The following SLIT3 variants were observed in gnomAD, a reference collection of about 807,000 sequenced individuals.
The protein encoded by SLIT3 is slit homolog 3 protein.
A neutral mutation model predicts 184.0 loss-of-function variants in SLIT3; 68 were observed. The ratio of observed to expected loss-of-function variants is 0.37; its 90% CI spans 0.30 to 0.45. The LOEUF (loss-of-function observed/expected upper bound fraction) is 0.45, where lower values mean the gene tolerates loss of function less well. Ranked by LOEUF, SLIT3 falls within the 20% of genes least tolerant of loss-of-function variation. SLIT3 has a pLI of 1.00. For missense variants in SLIT3, 1,707 were observed against 2,026.0 expected, an observed-to-expected ratio of 0.84 and a Z score of 3.02; for synonymous variants, 831 against 828.6, an observed-to-expected ratio of 1.00 and a Z score of -0.05.
intron 16 of SLIT3, among the ~76,000 whole-genome samples, chr5:168,758,174 T>G (rs1728370987): frequency 6.6e-6 from 1 of 152,122 alleles, no homozygotes; most frequent in African/African-American, 2.4e-5. Flanking sequence ...ACCACTCCCT[T>G]TTGTTGCTTG....
At chr5:169,170,520 G>C (rs960161039) in intron 4 of SLIT3, among the ~76,000 whole-genome samples, 1 of 152,054 alleles carries the variant, frequency 6.6e-6, no homozygotes, top group Non-Finnish European at 1.5e-5. Context: ...TGTCCCCCAA[G>C]CTTAAAAGAC....
At chr5:168,998,957 A>C (rs565311494) in intron 4 of SLIT3, among the ~76,000 whole-genome samples, 1 of 151,708 alleles carries the variant, frequency 6.6e-6, no homozygotes, top group Non-Finnish European at 1.5e-5. Flanking sequence ...TCTTTTGCCC[A>C]GGCTGGAGTG....
chr5:169,031,909 ATTT>A (rs946804472), intron 4 of SLIT3, among the ~76,000 whole-genome samples: 2 of 152,158 alleles, frequency 1.3e-5, no homozygotes, highest in Admixed American at 1.3e-4. Context: ...CCCTTGAGGG[ATTT>A]TTTAATTGAA....
intron 4 of SLIT3, among the ~76,000 whole-genome samples, chr5:168,994,777 G>A (rs1755455289): frequency 6.6e-6 from 1 of 151,020 alleles, no homozygotes; most frequent in Non-Finnish European, 1.5e-5. Flanking sequence ...TCCTATCTGG[G>A]ATTACATGCA....
At chr5:169,217,896 T>C (rs1302694824) in intron 3 of SLIT3, among the ~76,000 whole-genome samples, 4 of 152,198 alleles carry the variant, frequency 2.6e-5, no homozygotes, top group Admixed American at 1.3e-4. Context: ...GCAGCTGCTG[T>C]TTCCCGGCTG....
chr5:168,666,682 C>G lies in SLIT3; in HGVS notation c.4344G>C (p.Pro1448=), dbSNP rs768060950. The part of the protein sequence containing the change: ...FSGEHCQQEN[P]CLGQVVREVI... ...CCTCTCGGACTACTTGTCCCAGGCA[C>G]GGATTCTCTGCAGAGGGCATAGAAG... The change falls in exon 36 of 36, where the codon CCG becomes CCC. Residue 1448 remains proline, a synonymous_variant. Transcript: ENST00000519560. 6.2e-7 allele frequency: 1 copy of G among 1,614,140 alleles called. No individual in the cohort carries two copies. The highest frequency in any genetic ancestry group is 8.5e-7 in the Non-Finnish European group (1 of 1,180,042).
intron 6 of SLIT3, among the ~76,000 whole-genome samples, chr5:168,844,218 AACAC>A (rs1468760986): frequency 6.6e-6 from 1 of 152,066 alleles, no homozygotes; most frequent in Non-Finnish European, 1.5e-5. Context: ...CCCGCACTCA[AACAC>A]ACTGTCCCTG....
At chr5:169,008,951 T>C (rs546970927) in intron 4 of SLIT3, among the ~76,000 whole-genome samples, 1 of 152,318 alleles carries the variant, frequency 6.6e-6, no homozygotes, top group African/African-American at 2.4e-5. Flanking sequence ...ATTATTTGCA[T>C]TGAACTGATG....
At chr5:168,982,402 GAAC>G (rs1158591951) in intron 4 of SLIT3, among the ~76,000 whole-genome samples, 3 of 152,136 alleles carry the variant, frequency 2.0e-5, no homozygotes, top group East Asian at 1.9e-4. Context: ...AGAGAGTCTT[GAAC>G]AACAAGAAGG....
intron 15 of SLIT3, 78 bp downstream of exon 15, chr5:168,762,461 A>C: frequency 6.6e-7 from 1 of 1,505,850 alleles, no homozygotes; most frequent in Non-Finnish European, 9.2e-7. Flanking sequence ...GGTCACCGCC[A>C]GGAGACCCTG....
intron 32 of SLIT3, among the ~76,000 whole-genome samples, chr5:168,675,858 G>A (rs1469487478): frequency 1.3e-5 from 2 of 152,136 alleles, no homozygotes; most frequent in Non-Finnish European, 2.9e-5. Flanking sequence ...CAGAGGACAT[G>A]CAGGAGCCCA....
intron 1 of SLIT3, among the ~76,000 whole-genome samples, chr5:169,270,294 A>G (rs978812): frequency 0.043 from 6,514 of 152,272 alleles, 469 homozygotes; most frequent in African/African-American, 0.15. Flanking sequence ...AAATAAATAC[A>G]TCACGCTCCA....
At chr5:169,152,115 C>G (rs1762134989) in intron 4 of SLIT3, among the ~76,000 whole-genome samples, 1 of 152,138 alleles carries the variant, frequency 6.6e-6, no homozygotes, top group Admixed American at 6.5e-5. Flanking sequence ...CAACACTGGA[C>G]CCAGAGAGGT....
chr5:169,225,658 G>A (rs1764781298), intron 3 of SLIT3, among the ~76,000 whole-genome samples: 1 of 152,248 alleles, frequency 6.6e-6, no homozygotes, highest in African/African-American at 2.4e-5. Flanking sequence ...CTTCCCGGAG[G>A]AAGTGACTGT....
At chr5:168,914,886 G>T (rs190970777) in intron 4 of SLIT3, among the ~76,000 whole-genome samples, 24 of 151,734 alleles carry the variant, frequency 1.6e-4, no homozygotes, top group Admixed American at 9.8e-4. Context: ...GACATTGGGG[G>T]GTAAAAATGT....
At chr5:168,951,311 T>C (rs972029388) in intron 4 of SLIT3, among the ~76,000 whole-genome samples, 1 of 152,128 alleles carries the variant, frequency 6.6e-6, no homozygotes, top group Non-Finnish European at 1.5e-5. Flanking sequence ...ATCTAAGCCA[T>C]GGGGGGCAGG....
At position 168,813,567 on chromosome 5, in the gene SLIT3, T is replaced by TC. The variant is rs1407442587; in HGVS notation, c.793+3732_793+3733insG. Among the ~76,000 whole-genome samples the TC allele has an allele frequency of 3.9e-5, 6 of 152,334 alleles. No homozygotes were observed. In the East Asian group the frequency reaches 7.7e-4, roughly 20 times the overall value. On this transcript the variant is annotated intron_variant, in intron 8 of 35. Transcript: ENST00000519560. The stretch of plus-strand genomic sequence containing the variant: ...AAGTTAATAAAAAGATAAAGCTCTA[T>TC]TTCCCCACCCTTGTGAAAAATTCCC...
chr5:169,017,241 G>A (rs13355106), intron 4 of SLIT3, among the ~76,000 whole-genome samples: 16,717 of 152,096 alleles, frequency 0.11, 2,441 homozygotes, highest in African/African-American at 0.33. Flanking sequence ...CTTTGAGATA[G>A]GGAGATCAGG....
intron 4 of SLIT3, among the ~76,000 whole-genome samples, chr5:169,094,742 A>G (rs1455654844): frequency 6.6e-6 from 1 of 152,264 alleles, no homozygotes; most frequent in African/African-American, 2.4e-5. Flanking sequence ...TCATTGCTTT[A>G]GGATAGAAGT....
Sources: gnomAD v4.1 joint callset for allele counts (sites outside exome capture counted in the v4.1 genomes callset) on GRCh38, gnomAD v4.1.1 for gene constraint, MANE v1.5 for transcripts, NCBI Gene and HGNC (gene_info 2026-07-23, HGNC 2026-07-21) for gene names.